MTA3: variants seen among roughly 807,000 people sequenced by gnomAD.
MTA3 encodes metastasis-associated protein MTA3.
MTA3 carries 34 observed loss-of-function variants against 83.5 expected under a neutral mutation model. That is an observed-to-expected ratio of 0.41 (90% CI 0.31 to 0.54). The LOEUF (loss-of-function observed/expected upper bound fraction) is 0.54, where lower values mean the gene tolerates loss of function less well. MTA3 is among the 20% of genes least tolerant of loss of function. The pLI is 0.33. For synonymous variants in MTA3, 303 were observed against 252.7 expected (o/e 1.20, Z -1.89); for missense variants, 761 against 726.4 (o/e 1.05, Z -0.55).
chr2:42,603,381 A>C (rs944786282), intron 3 of MTA3, among the ~76,000 whole-genome samples: 7 of 152,176 alleles, frequency 4.6e-5, no homozygotes, highest in Non-Finnish European at 7.3e-5. Context: ...TTGTTTTAAA[A>C]TTGATAGCAA....
At chr2:42,734,378 TGGA>T (rs1283767705) in intron 16 of MTA3, among the ~76,000 whole-genome samples, 11 of 111,990 alleles carry the variant, frequency 9.8e-5, no homozygotes, top group African/African-American at 4.3e-4. Context: ...TCCATTTGCA[TGGA>T]ATTTTTTTTT....
chr2:42,717,057 T>A (rs181493933), intron 14 of MTA3, among the ~76,000 whole-genome samples: 1 of 152,294 alleles, frequency 6.6e-6, no homozygotes, highest in East Asian at 1.9e-4. Context: ...ATTGTGTTTT[T>A]TTTAACCACA....
At chr2:42,633,216 T>C (rs1686853833) in intron 4 of MTA3, among the ~76,000 whole-genome samples, 1 of 151,166 alleles carries the variant, frequency 6.6e-6, no homozygotes, top group Non-Finnish European at 1.5e-5. Context: ...TGAGCCGAGG[T>C]TGCAGTGAGC....
intron 16 of MTA3, among the ~76,000 whole-genome samples, chr2:42,729,543 C>A (rs900737223): frequency 2.6e-5 from 4 of 152,186 alleles, no homozygotes; most frequent in African/African-American, 9.6e-5. Context: ...ACTATATTTT[C>A]TCCAATGTAT....
At chr2:42,750,530 A>C (rs1256516394) in intron 16 of MTA3, among the ~76,000 whole-genome samples, 1 of 152,144 alleles carries the variant, frequency 6.6e-6, no homozygotes, top group East Asian at 1.9e-4. Flanking sequence ...TAGGGTGATC[A>C]GGTTGGCCTG....
intron 16 of MTA3, among the ~76,000 whole-genome samples, chr2:42,736,033 A>G (rs907627126): frequency 6.6e-6 from 1 of 152,058 alleles, no homozygotes; most frequent in African/African-American, 2.4e-5. Flanking sequence ...AGAGTTAGGT[A>G]TTTGTTGTAG....
intron 8 of MTA3, among the ~76,000 whole-genome samples, chr2:42,663,534 G>C (rs1308854477): frequency 6.6e-6 from 1 of 152,206 alleles, no homozygotes; most frequent in African/African-American, 2.4e-5. Context: ...GCTGAGGCAG[G>C]ATGATCACTT....
At chr2:42,606,531 G>T (rs1462334180) in intron 3 of MTA3, among the ~76,000 whole-genome samples, 1 of 148,550 alleles carries the variant, frequency 6.7e-6, no homozygotes, top group African/African-American at 2.5e-5. Context: ...TGGCGGCTGG[G>T]AAGAGGCGCT....
At chr2:42,576,077 A>C (rs1169185225) in intron 2 of MTA3, among the ~76,000 whole-genome samples, 3 of 152,176 alleles carry the variant, frequency 2.0e-5, no homozygotes, top group African/African-American at 7.2e-5. Flanking sequence ...TCATTAAGCA[A>C]ATATTATTGA....
chr2:42,730,250 CTGTT>C (rs1668147652), intron 16 of MTA3, among the ~76,000 whole-genome samples: 5 of 152,082 alleles, frequency 3.3e-5, no homozygotes, highest in African/African-American at 4.8e-5. Context: ...TTCCAGTACT[CTGTT>C]AAATAACAGT....
intron 4 of MTA3, among the ~76,000 whole-genome samples, chr2:42,632,552 C>G (rs1481858119): frequency 6.6e-6 from 1 of 152,160 alleles, no homozygotes; most frequent in Non-Finnish European, 1.5e-5. Flanking sequence ...GAACATTTCA[C>G]TTTCTCCTGT....
chr2:42,571,047 G>A (rs1678419525), intron 2 of MTA3, among the ~76,000 whole-genome samples: 1 of 151,776 alleles, frequency 6.6e-6, no homozygotes, highest in Admixed American at 6.6e-5. Context: ...AAAATAAGCT[G>A]GGTAAAGGGG....
chr2:42,555,455 C>CAA (rs146740409), intron 2 of MTA3, among the ~76,000 whole-genome samples: 37,452 of 54,330 alleles, frequency 0.69, 12,311 homozygotes, highest in South Asian at 0.86. Context: ...AACTCCATCT[C>CAA]AAAAAAAAAA....
At chr2:42,656,969 A>G (rs1689226724) in intron 7 of MTA3, among the ~76,000 whole-genome samples, 1 of 152,204 alleles carries the variant, frequency 6.6e-6, no homozygotes, top group Non-Finnish European at 1.5e-5. Context: ...GGTATATACC[A>G]TGTGATCATT....
At chr2:42,536,236 G>A (rs1170545394) in intron 2 of MTA3, among the ~76,000 whole-genome samples, 2 of 152,076 alleles carry the variant, frequency 1.3e-5, no homozygotes, top group Admixed American at 6.6e-5. Context: ...CACTTTGGGA[G>A]GCTGAGATGG....
intron 2 of MTA3, among the ~76,000 whole-genome samples, chr2:42,499,171 CT>C (rs112147672): frequency 0.018 from 2,643 of 144,248 alleles, 48 homozygotes; most frequent in African/African-American, 0.059. Flanking sequence ...GAGGGTAGAT[CT>C]TTTTTTTTTT....
chr2:42,711,460 G>A (rs1191547274), intron 14 of MTA3, among the ~76,000 whole-genome samples: 1 of 152,152 alleles, frequency 6.6e-6, no homozygotes, highest in Non-Finnish European at 1.5e-5. Flanking sequence ...GAAATTCAGA[G>A]AGCATGTATT....
At chr2:42,708,748 C>A (rs752596071) in intron 13 of MTA3, 126 bp from the exon 14 acceptor site, 8 of 963,426 alleles carry the variant, frequency 8.3e-6, no homozygotes, top group Non-Finnish European at 1.3e-5. Context: ...GGTAGTGCAC[C>A]AAGTGACGTT....
upstream of MTA3, among the ~76,000 whole-genome samples, chr2:42,565,126 C>T (rs1223760959): frequency 6.6e-6 from 1 of 151,920 alleles, no homozygotes; most frequent in African/African-American, 2.4e-5. Context: ...AACTCCATCC[C>T]TACGTTGAGA....
Sources: allele counts gnomAD v4.1 joint callset (sites outside exome capture counted in the v4.1 genomes callset), GRCh38; gene constraint gnomAD v4.1.1; transcripts MANE v1.5; gene names NCBI Gene and HGNC (gene_info 2026-07-23, HGNC 2026-07-21).